AFF3: variants seen among roughly 807,000 people sequenced by gnomAD.
AFF3 encodes the protein ALF transcription elongation factor 3, also known as AF4/FMR2 family member 3.
AFF3 carries 32 observed loss-of-function variants against 129.7 expected under a neutral mutation model. The ratio of observed to expected loss-of-function variants is 0.25; its 90% confidence interval spans 0.19 to 0.33. The LOEUF (loss-of-function observed/expected upper bound fraction) is 0.33, where lower values mean the gene tolerates loss of function less well. Among genes scored for constraint, AFF3 ranks in the 10% least tolerant of loss-of-function variants. The probability of loss-of-function intolerance (pLI) is 1.00; values close to 1 mark genes in which losing one functional copy is unlikely to be tolerated. For missense variants in AFF3, 1,373 were observed against 1,592.0 expected (o/e 0.86, Z 2.34); for synonymous variants, 644 against 635.4 (o/e 1.01, Z -0.20).
At chr2:99,731,391 C>T (rs1432934844) in intron 10 of AFF3, among the ~76,000 whole-genome samples, 2 of 152,076 alleles carry the variant, frequency 1.3e-5, no homozygotes, top group African/African-American at 4.8e-5. Context: ...ATTTTTAGTG[C>T]CTCTAGTGGG....
At chr2:99,817,894 C>A (rs1003964231) in intron 8 of AFF3, among the ~76,000 whole-genome samples, 2 of 152,156 alleles carry the variant, frequency 1.3e-5, no homozygotes, top group Non-Finnish European at 2.9e-5. Flanking sequence ...ACTCTAAATT[C>A]ACTCAGAAGT....
At chr2:100,028,984 A>G (rs533487330) in intron 4 of AFF3, among the ~76,000 whole-genome samples, 5 of 152,366 alleles carry the variant, frequency 3.3e-5, no homozygotes, top group African/African-American at 1.2e-4. Context: ...ACAGCAGCAT[A>G]ACGCACAGTA....
At chr2:100,084,803 AATTT>A in intron 4 of AFF3, among the ~76,000 whole-genome samples, 1 of 151,790 alleles carries the variant, frequency 6.6e-6, no homozygotes. Context: ...GGAGAAATAA[AATTT>A]ATTATGAAGG....
intron 8 of AFF3, among the ~76,000 whole-genome samples, chr2:99,781,821 C>T (rs1165058367): frequency 1.3e-5 from 2 of 152,110 alleles, no homozygotes; most frequent in Non-Finnish European, 2.9e-5. Context: ...AGGGCATTTG[C>T]ATTTGTTACC....
chr2:99,740,758 G>T (rs1680655417), intron 10 of AFF3, among the ~76,000 whole-genome samples: 2 of 150,352 alleles, frequency 1.3e-5, no homozygotes, highest in South Asian at 2.1e-4. Flanking sequence ...CTCCCATTTT[G>T]TAGGTTGCCT....
At chr2:99,885,750 C>T (rs2106043753) in intron 7 of AFF3, among the ~76,000 whole-genome samples, 1 of 152,222 alleles carries the variant, frequency 6.6e-6, no homozygotes, top group South Asian at 2.1e-4. Context: ...TGCATTCACT[C>T]CATCATACTC....
intron 7 of AFF3, among the ~76,000 whole-genome samples, chr2:99,964,449 CA>C (rs1677535342): frequency 6.6e-6 from 1 of 152,062 alleles, no homozygotes; most frequent in Non-Finnish European, 1.5e-5. Context: ...ATCAATAACA[CA>C]AAGACAACAG....
intron 1 of AFF3, among the ~76,000 whole-genome samples, chr2:100,133,295 A>G (rs577393595): frequency 6.6e-6 from 1 of 152,106 alleles, no homozygotes; most frequent in Admixed American, 6.5e-5. Flanking sequence ...AGAAGTAAAA[A>G]CAATTAAAAA....
chr2:99,674,152 G>A (rs1005672175), intron 11 of AFF3, among the ~76,000 whole-genome samples: 2 of 152,146 alleles, frequency 1.3e-5, no homozygotes, highest in South Asian at 2.1e-4. Flanking sequence ...GAGAGGTGTC[G>A]TTCTTCTATT....
chr2:99,858,315 G>C (rs1164616783), intron 7 of AFF3, among the ~76,000 whole-genome samples: 1 of 151,880 alleles, frequency 6.6e-6, no homozygotes, highest in Non-Finnish European at 1.5e-5. Context: ...GGAGGCTGAG[G>C]GGGGCGGATT....
At chr2:99,837,907 C>T (rs1020151882) in intron 7 of AFF3, among the ~76,000 whole-genome samples, 8 of 152,158 alleles carry the variant, frequency 5.3e-5, no homozygotes, top group Non-Finnish European at 7.3e-5. Flanking sequence ...AATTTATCCA[C>T]CAAATATATG....
intron 2 of AFF3, among the ~76,000 whole-genome samples, chr2:100,124,502 G>T (rs1457195498): frequency 6.6e-6 from 1 of 152,062 alleles, no homozygotes; most frequent in African/African-American, 2.4e-5. Context: ...TTTTTTAAAG[G>T]GTATTATAGA....
chr2:100,038,566 T>C (rs964172988), intron 4 of AFF3, among the ~76,000 whole-genome samples: 5 of 152,140 alleles, frequency 3.3e-5, no homozygotes, highest in Admixed American at 2.0e-4. Context: ...GGCTTGCAGT[T>C]GAGGGGACAG....
At chr2:99,931,625 T>C (rs780656476) in intron 7 of AFF3, among the ~76,000 whole-genome samples, 6 of 152,230 alleles carry the variant, frequency 3.9e-5, no homozygotes, top group African/African-American at 1.2e-4. Context: ...AAACATACTA[T>C]AGGCTGGGTG....
intron 9 of AFF3, among the ~76,000 whole-genome samples, chr2:99,746,094 A>G (rs1273304889): frequency 6.6e-6 from 1 of 152,148 alleles, no homozygotes; most frequent in Admixed American, 6.5e-5. Flanking sequence ...CATGTAACCA[A>G]AAACCACTTG....
At chr2:100,120,276 G>A (rs1195025868) in intron 2 of AFF3, among the ~76,000 whole-genome samples, 1 of 152,020 alleles carries the variant, frequency 6.6e-6, no homozygotes, top group African/African-American at 2.4e-5. Context: ...ATGAAACCGT[G>A]GTCACAGAAT....
At chr2:99,839,617 CT>C (rs147484099) in intron 7 of AFF3, among the ~76,000 whole-genome samples, 134 of 143,372 alleles carry the variant, frequency 9.3e-4, no homozygotes, top group East Asian at 1.2e-3. Context: ...TTCTTTCTTT[CT>C]TTTTTTTTTT....
At chr2:100,083,153 C>T (rs1010513243) in intron 4 of AFF3, among the ~76,000 whole-genome samples, 2 of 152,040 alleles carry the variant, frequency 1.3e-5, no homozygotes, top group African/African-American at 4.8e-5. Context: ...CATTTGAATT[C>T]CTAAGTATTT....
At chr2:99,897,842 T>C (rs1329552828) in intron 7 of AFF3, among the ~76,000 whole-genome samples, 2 of 152,138 alleles carry the variant, frequency 1.3e-5, no homozygotes, top group Admixed American at 1.3e-4. Context: ...TTGAAATACG[T>C]AGTTGAAAAA....
Sources: allele counts gnomAD v4.1 joint callset (sites outside exome capture counted in the v4.1 genomes callset), GRCh38; gene constraint gnomAD v4.1.1; transcripts MANE v1.5; gene names NCBI Gene and HGNC (gene_info 2026-07-23, HGNC 2026-07-21).